ACTR1A: variants seen among roughly 807,000 people sequenced by gnomAD.
ACTR1A encodes the protein actin related protein 1A, also known as alpha-centractin.
A neutral mutation model predicts 50.7 loss-of-function variants in ACTR1A; 10 were observed. That is an observed-to-expected ratio of 0.20 (90% CI 0.12 to 0.33). The LOEUF is 0.33. Ranked by LOEUF, ACTR1A falls within the 10% of genes least tolerant of loss-of-function variation. ACTR1A has a pLI of 1.00. For synonymous variants in ACTR1A, 177 were observed against 184.2 expected, an observed-to-expected ratio of 0.96 and a Z score of 0.32; for missense variants, 253 against 491.7, an observed-to-expected ratio of 0.51 and a Z score of 4.59.
chr10:102,501,028 G>A (rs188920728), intron 1 of ACTR1A, among the ~76,000 whole-genome samples: 5 of 149,858 alleles, frequency 3.3e-5, no homozygotes, highest in African/African-American at 7.4e-5. Flanking sequence ...CTGTGATCGC[G>A]CCACTGCATT....
chr10:102,497,171 G>GAAAAAAA (rs968687001), intron 1 of ACTR1A, among the ~76,000 whole-genome samples: 1 of 69,768 alleles, frequency 1.4e-5, no homozygotes, highest in Admixed American at 1.7e-4. Flanking sequence ...TCCATCTCAG[G>GAAAAAAA]AAAAAAAAAA....
At chr10:102,502,542 C>T in intron 1 of ACTR1A, 58 bp downstream of exon 1, 1 of 1,592,264 alleles carries the variant, frequency 6.3e-7, no homozygotes. Context: ...CCCCGGGAAG[C>T]GATCCTTTCG....
In ACTR1A at chr10:102,482,306, T is replaced by A; in HGVS notation, c.751-131A>T. 1 of 818,268 alleles carries A rather than the reference T, an allele frequency of 1.2e-6. No homozygotes were observed. The highest frequency in any genetic ancestry group is 1.9e-6 in the Non-Finnish European group (1 of 513,060). The allele number at this position is 818,268 out of a possible 1,614,324, so 50.7% of individuals were successfully genotyped here. On this transcript the variant is annotated intron_variant, in intron 7 of 10. Coordinates refer to ENST00000369905, the MANE Select transcript of ACTR1A (RefSeq NM_005736.4). The surrounding 1 kb of genome is among the most constrained non-coding windows in gnomAD (Gnocchi z 5.6). ...TATGAAGGCCAGGCTCAAGACAGAC[T>A]CTACATGTCAAGGGCTTAAAGGAAC... is the stretch of plus-strand genomic sequence containing the variant.
rs1589962103 is a variant in ACTR1A at position 102,489,130 on chromosome 10, C to T, written c.122G>A (p.Arg41Gln). ...TGCCATGACACGAACGTGCTTGGGTCGGCCCACACTAGAAAAGACAGTGAG... is the reference window on the plus strand; with the variant it reads ...TGCCATGACACGAACGTGCTTGGGTTGGCCCACACTAGAAAAGACAGTGAG... ...PKYCFPNYVG[R>Q]PKHVRVMAGA... The change falls in exon 3 of 11, where the codon CGA becomes CAA. Residue 41 changes from arginine to glutamine, a missense_variant. Physicochemically the swap from Arg to Gln is conservative, Grantham distance 43. Around this residue, in one of 4 missense-constraint regions of ACTR1A, gnomAD observed 96 missense variants for 238.7 expected, o/e 0.40. Coordinates refer to ENST00000369905, the MANE Select transcript of ACTR1A (RefSeq NM_005736.4). 1.3e-6 allele frequency: 2 copies of T among 1,579,472 alleles called. No homozygotes were observed. The highest frequency in any genetic ancestry group is 1.2e-5 in the South Asian group (1 of 86,380).
chr10:102,488,292 G>T lies in ACTR1A; in HGVS notation c.190-17C>A. 1 of 1,610,580 alleles carries T rather than the reference G, an allele frequency of 6.2e-7. No homozygotes were observed. Among genetic ancestry groups the T allele is most frequent in the South Asian group, 1.1e-5 (1 of 91,010 alleles). Reference sequence around the variant, plus strand: ...TCGGTGCTCCTGGGAAAAGAGAACAGGACTTACGACTGCAGTCAGGCTCCA... The same window carrying T: ...TCGGTGCTCCTGGGAAAAGAGAACATGACTTACGACTGCAGTCAGGCTCCA... On this transcript the variant is annotated splice_polypyrimidine_tract_variant and intron_variant, in intron 3 of 10. Coordinates refer to ENST00000369905, the MANE Select transcript of ACTR1A (RefSeq NM_005736.4). The surrounding 1 kb of genome is among the most constrained non-coding windows in gnomAD (Gnocchi z 4.4).
At chr10:102,501,058 G>A (rs2062248559) in intron 1 of ACTR1A, among the ~76,000 whole-genome samples, 3 of 148,746 alleles carry the variant, frequency 2.0e-5, no homozygotes, top group African/African-American at 5.0e-5. Context: ...GCAACAGAGC[G>A]AGACCCTGTC....
intron 5 of ACTR1A, 70 bp from the exon 6 acceptor site, chr10:102,484,446 T>C (rs2062157593): frequency 7.5e-7 from 1 of 1,331,124 alleles, no homozygotes; most frequent in Admixed American, 1.9e-5. Flanking sequence ...CTTCTTTATT[T>C]AGGGTTCAAT....
At chr10:102,496,039 G>A (rs1224961234) in intron 1 of ACTR1A, among the ~76,000 whole-genome samples, 2 of 152,028 alleles carry the variant, frequency 1.3e-5, no homozygotes, top group Non-Finnish European at 2.9e-5. Context: ...TCCGCCTCCC[G>A]GGTTCATGCC....
intron 1 of ACTR1A, 104 bp from the exon 2 acceptor site, chr10:102,490,717 G>A (rs2062187787): frequency 2.1e-6 from 2 of 930,324 alleles, no homozygotes; most frequent in Non-Finnish European, 3.3e-6. Context: ...AAGCGGCCGG[G>A]CGCAGTGGCT....
At chr10:102,481,573 C>T (rs1280341247) in intron 9 of ACTR1A, among the ~76,000 whole-genome samples, 1 of 152,184 alleles carries the variant, frequency 6.6e-6, no homozygotes, top group African/African-American at 2.4e-5. Flanking sequence ...CCTGAAAGAT[C>T]ACGCAGGGGG....
At chr10:102,484,123 C>A in intron 6 of ACTR1A, 37 bp downstream of exon 6, 2 of 1,604,936 alleles carry the variant, frequency 1.2e-6, no homozygotes, top group Non-Finnish European at 8.5e-7. Context: ...TGCTCCCAAC[C>A]CCCACTCCAT....
rs749349488 is a variant in ACTR1A, at chr10:102,488,305, C to T, written c.190-30G>A. 6.2e-7 allele frequency: 1 copy of T among 1,606,296 alleles called. No homozygotes were observed. Among genetic ancestry groups the T allele is most frequent in the Middle Eastern group, 1.7e-4 (1 of 6,050 alleles). On this transcript the variant is annotated intron_variant, in intron 3 of 10. Coordinates refer to ENST00000369905, the MANE Select transcript of ACTR1A (RefSeq NM_005736.4). This position sits in a 1 kb window ranked among gnomAD's most constrained non-coding sequence, Gnocchi z 4.4. ...GAAAAGAGAACAGGACTTACGACTG[C>T]AGTCAGGCTCCACCCAGGACCCTGT...
At position 102,497,929 on chromosome 10, in the gene ACTR1A, C is replaced by CAAA. The variant is rs397937965; in HGVS notation, c.48+4668_48+4670dup. ...GGAACACAGGGAGACCCCATTTCTA[C>CAAA]AAAAAAAAAAAAAAAGGCTGAGCAG... On this transcript the variant is annotated intron_variant, in intron 1 of 10. Coordinates refer to ENST00000369905, the MANE Select transcript of ACTR1A (RefSeq NM_005736.4). Among the ~76,000 whole-genome samples the CAAA allele has an allele frequency of 1.1e-3, 118 of 111,454 alleles. 1 individual carries two copies. Among genetic ancestry groups the CAAA allele is most frequent in the East Asian group, 4.9e-3 (18 of 3,646 alleles). 73.1% of individuals were successfully genotyped at this position (111,454 alleles called of 152,430 possible).
intron 1 of ACTR1A, among the ~76,000 whole-genome samples, chr10:102,497,581 C>G (rs1211909544): frequency 6.6e-6 from 1 of 151,034 alleles, no homozygotes; most frequent in East Asian, 1.9e-4. Context: ...AGTGAGACCT[C>G]ATCTCTAAAA....
At chr10:102,499,344 C>T (rs77666293) in intron 1 of ACTR1A, among the ~76,000 whole-genome samples, 7,625 of 152,044 alleles carry the variant, frequency 0.05, 272 homozygotes, top group East Asian at 0.096. Context: ...TACCTGAGAC[C>T]GCACATGTAA....
intron 5 of ACTR1A, among the ~76,000 whole-genome samples, chr10:102,484,942 G>A (rs548107810): frequency 1.5e-4 from 23 of 152,290 alleles, no homozygotes; most frequent in African/African-American, 5.3e-4. Context: ...CCCATCTCAA[G>A]TGGCAGCCGC....
chr10:102,484,132 A>C lies in ACTR1A; in HGVS notation c.657+28T>G. On this transcript the variant is annotated intron_variant, in intron 6 of 10. Coordinates refer to ENST00000369905, the MANE Select transcript of ACTR1A (RefSeq NM_005736.4). ...GTGCTATGCTCCCAACCCCCACTCC[A>C]TCCCTAGGCCCAGGGGGCAGCACTT... 3.1e-6 allele frequency: 5 copies of C among 1,610,186 alleles called. No individual in the cohort carries two copies. In the South Asian group the frequency reaches 5.5e-5, roughly 18 times the overall value.
In ACTR1A at chr10:102,482,531, C is replaced by G; in HGVS notation, c.751-356G>C. 3.1e-6 allele frequency: 1 copy of G among 319,640 alleles called. No homozygotes were observed. The highest frequency in any genetic ancestry group is 5.8e-6 in the Non-Finnish European group (1 of 171,078). 19.8% of individuals were successfully genotyped at this position (319,640 alleles called of 1,614,324 possible). ...TGTGGTGAAGGATGGCACTAACCATCCCACTTCCTAATCTCATACTGATGT... is the reference window on the plus strand; with the variant it reads ...TGTGGTGAAGGATGGCACTAACCATGCCACTTCCTAATCTCATACTGATGT... On this transcript the variant is annotated intron_variant, in intron 7 of 10. Coordinates refer to ENST00000369905, the MANE Select transcript of ACTR1A (RefSeq NM_005736.4). The surrounding 1 kb of genome is among the most constrained non-coding windows in gnomAD (Gnocchi z 5.6).
intron 1 of ACTR1A, among the ~76,000 whole-genome samples, chr10:102,490,949 T>A (rs1589962806): frequency 6.6e-6 from 1 of 151,468 alleles, no homozygotes; most frequent in Middle Eastern, 3.4e-3. Context: ...GCCAAGATTG[T>A]GCCACTGCAC....
Sources: gnomAD v4.1 joint callset for allele counts (sites outside exome capture counted in the v4.1 genomes callset) on GRCh38, gnomAD v4.1.1 for gene constraint, gnomAD v4.1.1 regional missense constraint, Gnocchi (gnomAD v3.1) non-coding constraint, MANE v1.5 for transcripts, NCBI Gene and HGNC (gene_info 2026-07-23, HGNC 2026-07-21) for gene names.